The following SLC24A2 variants were observed in gnomAD, a reference collection of about 807,000 sequenced individuals.
SLC24A2 encodes solute carrier family 24 member 2.
A neutral mutation model predicts 62.0 loss-of-function variants in SLC24A2; 36 were observed. The ratio of observed to expected loss-of-function variants is 0.58; its 90% CI spans 0.44 to 0.77. The LOEUF (loss-of-function observed/expected upper bound fraction) is 0.77. Among genes scored for constraint, SLC24A2 ranks in the 30% least tolerant of loss-of-function variants. The pLI, the probability that SLC24A2 is intolerant of heterozygous loss-of-function variation, is 0.00. For synonymous variants in SLC24A2, 358 were observed against 294.0 expected (o/e 1.22, Z -2.23); for missense variants, 846 against 817.9 (o/e 1.03, Z -0.42).
the SLC24A2 span, among the ~76,000 whole-genome samples, chr9:19,998,933 C>A: frequency 2.3e-4 from 35 of 152,328 alleles, no homozygotes; most frequent in Middle Eastern, 3.4e-3. Flanking sequence ...ACAGAAGAAT[C>A]AGACCAGCAG....
chr9:19,737,399 T>C (rs1163399549), intron 2 of SLC24A2, among the ~76,000 whole-genome samples: 1 of 152,204 alleles, frequency 6.6e-6, no homozygotes, highest in Non-Finnish European at 1.5e-5. Context: ...ATGGGTGTTC[T>C]GTTGATGGCC....
chr9:19,761,333 C>T (rs984515593), intron 2 of SLC24A2, among the ~76,000 whole-genome samples: 1 of 152,070 alleles, frequency 6.6e-6, no homozygotes, highest in African/African-American at 2.4e-5. Context: ...TGTTTCCTGA[C>T]TTTTTAATGA....
At chr9:19,841,696 A>G in the SLC24A2 span, among the ~76,000 whole-genome samples, 8 of 152,198 alleles carry the variant, frequency 5.3e-5, no homozygotes, top group Non-Finnish European at 8.8e-5. Flanking sequence ...TATTGGTAAC[A>G]AGGAAGTCTG....
the SLC24A2 span, among the ~76,000 whole-genome samples, chr9:20,019,875 GA>G: frequency 0.054 from 6,615 of 121,448 alleles, 433 homozygotes; most frequent in African/African-American, 0.17. Context: ...AAATTTACCA[GA>G]AAAAAAAAAA....
At chr9:19,931,099 C>T in the SLC24A2 span, among the ~76,000 whole-genome samples, 2 of 151,942 alleles carry the variant, frequency 1.3e-5, no homozygotes, top group Non-Finnish European at 2.9e-5. Flanking sequence ...GAAGCAAAAC[C>T]TCATTAAACA....
chr9:20,227,535 T>TAA, the SLC24A2 span, among the ~76,000 whole-genome samples: 5,966 of 124,520 alleles, frequency 0.048, 133 homozygotes, highest in Middle Eastern at 0.1. Flanking sequence ...CACACATTTC[T>TAA]AAAAAAAAAA....
At chr9:19,961,582 G>C in the SLC24A2 span, among the ~76,000 whole-genome samples, 1 of 152,186 alleles carries the variant, frequency 6.6e-6, no homozygotes, top group Non-Finnish European at 1.5e-5. Context: ...ACCTGTGCCA[G>C]GTAACCTCTA....
intron 4 of SLC24A2, among the ~76,000 whole-genome samples, chr9:19,598,673 G>A (rs1020563268): frequency 3.8e-4 from 58 of 151,610 alleles, no homozygotes; most frequent in African/African-American, 1.2e-3. Context: ...ATATACATAC[G>A]TGTATATATA....
intron 2 of SLC24A2, among the ~76,000 whole-genome samples, chr9:19,752,944 T>C (rs1029431935): frequency 6.6e-6 from 1 of 152,136 alleles, no homozygotes; most frequent in African/African-American, 2.4e-5. Context: ...CTCAAAATTC[T>C]CTATATGGAT....
At chr9:19,637,561 A>G (rs961522377) in intron 2 of SLC24A2, among the ~76,000 whole-genome samples, 4 of 152,254 alleles carry the variant, frequency 2.6e-5, no homozygotes, top group African/African-American at 9.6e-5. Context: ...CTGACTGGTC[A>G]TTTTGGAAAT....
chr9:19,757,891 C>G (rs1256239339), intron 2 of SLC24A2, among the ~76,000 whole-genome samples: 3 of 151,992 alleles, frequency 2.0e-5, no homozygotes, highest in African/African-American at 7.2e-5. Flanking sequence ...TTAGTTCCCT[C>G]TAGAGTGGGT....
At chr9:19,534,938 T>C (rs1156686096) in intron 8 of SLC24A2, among the ~76,000 whole-genome samples, 1 of 152,198 alleles carries the variant, frequency 6.6e-6, no homozygotes, top group Non-Finnish European at 1.5e-5. Flanking sequence ...TGCCACACTG[T>C]CTTCCACAAT....
chr9:20,284,770 G>A, the SLC24A2 span, among the ~76,000 whole-genome samples: 4 of 152,138 alleles, frequency 2.6e-5, no homozygotes, highest in Non-Finnish European at 4.4e-5. Flanking sequence ...GCCTAGTAGG[G>A]TGGGGTCCTC....
chr9:20,101,916 C>T, the SLC24A2 span, among the ~76,000 whole-genome samples: 1 of 152,154 alleles, frequency 6.6e-6, no homozygotes, highest in South Asian at 2.1e-4. Flanking sequence ...CCTAAAGTGA[C>T]ATGGGACAAA....
rs770759819 is a variant in SLC24A2, at chr9:19,550,285, G to C, written c.1348-17C>G. The C allele has an allele frequency of 2.5e-6, 4 of 1,613,410 alleles. No homozygotes were observed. Among genetic ancestry groups the C allele is most frequent in the South Asian group, 1.1e-5 (1 of 91,030 alleles). On this transcript the variant is annotated splice_polypyrimidine_tract_variant and intron_variant, in intron 7 of 10. Transcript: ENST00000341998. The stretch of plus-strand genomic sequence containing the variant: ...ATCAGCGGTCTGTGGTAGAAAAAGA[G>C]GTAAAATTAAACAAACAAAAAAATA...
At chr9:19,545,868 A>AC (rs1030485280) in intron 8 of SLC24A2, among the ~76,000 whole-genome samples, 7 of 151,832 alleles carry the variant, frequency 4.6e-5, no homozygotes, top group Non-Finnish European at 7.4e-5. Flanking sequence ...CAATCTCCTG[A>AC]CCTTGTGATC....
chr9:20,041,378 C>T, the SLC24A2 span, among the ~76,000 whole-genome samples: 1 of 152,238 alleles, frequency 6.6e-6, no homozygotes, highest in Admixed American at 6.5e-5. Flanking sequence ...CATGTTTTTG[C>T]TAGTCTTGTC....
At chr9:20,085,671 AAT>A in the SLC24A2 span, among the ~76,000 whole-genome samples, 2 of 152,214 alleles carry the variant, frequency 1.3e-5, no homozygotes, top group Non-Finnish European at 2.9e-5. Flanking sequence ...TTATTGTATT[AAT>A]ATATGTTTCC....
intron 2 of SLC24A2, among the ~76,000 whole-genome samples, chr9:19,645,983 G>C (rs976129008): frequency 5.9e-5 from 9 of 152,128 alleles, no homozygotes; most frequent in Admixed American, 5.9e-4. Context: ...AAAGGCATTG[G>C]CCTTTCTGGC....
Sources: allele counts gnomAD v4.1 joint callset (sites outside exome capture counted in the v4.1 genomes callset), GRCh38; gene constraint gnomAD v4.1.1; transcripts MANE v1.5; gene names NCBI Gene and HGNC (gene_info 2026-07-23, HGNC 2026-07-21).